Variants in PRKD1 observed in about 807,000 individuals in gnomAD.
PRKD1 encodes the protein protein kinase D1.
PRKD1 carries 63 observed loss-of-function variants against 95.9 expected under a neutral mutation model. That is an observed-to-expected ratio of 0.66 (90% CI 0.54 to 0.81). PRKD1 has a LOEUF of 0.81. PRKD1 is among the 30% of genes least tolerant of loss of function. PRKD1 has a pLI of 0.00. For synonymous variants in PRKD1, 425 were observed against 423.1 expected (o/e 1.00, Z -0.05); for missense variants, 1,048 against 1,165.3 (o/e 0.90, Z 1.47).
At chr14:29,879,138 A>T (rs1893409569) in intron 1 of PRKD1, among the ~76,000 whole-genome samples, 2 of 152,130 alleles carry the variant, frequency 1.3e-5, no homozygotes, top group Non-Finnish European at 2.9e-5. Flanking sequence ...CAAGGACATC[A>T]CCCAGCACCT....
At chr14:29,594,918 T>C (rs1001100662) in intron 16 of PRKD1, among the ~76,000 whole-genome samples, 1 of 152,162 alleles carries the variant, frequency 6.6e-6, no homozygotes, top group Non-Finnish European at 1.5e-5. Context: ...CCTTAACTGA[T>C]ATCATGATGT....
intron 1 of PRKD1, among the ~76,000 whole-genome samples, chr14:29,867,018 A>G (rs1892932354): frequency 6.6e-6 from 1 of 152,152 alleles, no homozygotes; most frequent in East Asian, 1.9e-4. Flanking sequence ...AATTGTTCTA[A>G]GAACTGCTGG....
intron 16 of PRKD1, among the ~76,000 whole-genome samples, chr14:29,581,434 ATTATT>A (rs1483863611): frequency 2.0e-5 from 3 of 152,150 alleles, no homozygotes; most frequent in Non-Finnish European, 4.4e-5. Context: ...GAAAGTAGTT[ATTATT>A]TTAATCTCCA....
At chr14:29,629,487 T>C (rs1301068538) in intron 10 of PRKD1, among the ~76,000 whole-genome samples, 1 of 152,124 alleles carries the variant, frequency 6.6e-6, no homozygotes, top group Non-Finnish European at 1.5e-5. Context: ...AGAGGTCTCA[T>C]ATAAAGTGCT....
intron 1 of PRKD1, among the ~76,000 whole-genome samples, chr14:29,895,020 T>C (rs558705138): frequency 1.3e-5 from 2 of 152,078 alleles, no homozygotes; most frequent in Non-Finnish European, 2.9e-5. Flanking sequence ...GGATACTCTC[T>C]AGCTCAACAC....
intron 16 of PRKD1, among the ~76,000 whole-genome samples, chr14:29,593,612 G>A (rs1292739204): frequency 6.6e-6 from 1 of 152,164 alleles, no homozygotes; most frequent in Non-Finnish European, 1.5e-5. Flanking sequence ...CATAAGCTTG[G>A]AGCTGCTAGG....
chr14:29,668,191 A>G (rs1882630251), intron 2 of PRKD1, among the ~76,000 whole-genome samples: 1 of 152,212 alleles, frequency 6.6e-6, no homozygotes, highest in African/African-American at 2.4e-5. Flanking sequence ...AGTTGAGTGT[A>G]TGCATGCCAC....
At chr14:29,679,658 G>A (rs1391646879) in intron 2 of PRKD1, among the ~76,000 whole-genome samples, 1 of 151,394 alleles carries the variant, frequency 6.6e-6, no homozygotes, top group African/African-American at 2.4e-5. Flanking sequence ...ATCAGGAAGA[G>A]ATGCAGGCAA....
intron 1 of PRKD1, among the ~76,000 whole-genome samples, chr14:29,829,898 T>A (rs1891336947): frequency 6.6e-6 from 1 of 152,212 alleles, no homozygotes; most frequent in East Asian, 1.9e-4. Flanking sequence ...TTCACTTATT[T>A]CCTCTACGCT....
chr14:29,905,266 G>C (rs1006205163), intron 1 of PRKD1, among the ~76,000 whole-genome samples: 4 of 152,156 alleles, frequency 2.6e-5, no homozygotes, highest in Non-Finnish European at 5.9e-5. Context: ...ACATCATCAA[G>C]AGGGCCGGAA....
At position 29,774,851 on chromosome 14, in the gene PRKD1, T is replaced by A. The variant is rs567609162; in HGVS notation, c.265-49177A>T. Among the ~76,000 whole-genome samples the A allele has an allele frequency of 3.3e-5, 5 of 152,308 alleles. No homozygotes were observed. In the Middle Eastern group the frequency reaches 0.017, roughly 518 times the overall value. Reference sequence around the variant, plus strand: ...TAGGAGATACTAAGAAAGTGTGATTTGCATTCTTCCACAGGAAAGCAACAT... The same window carrying A: ...TAGGAGATACTAAGAAAGTGTGATTAGCATTCTTCCACAGGAAAGCAACAT... On this transcript the variant is annotated intron_variant, in intron 1 of 17. Coordinates refer to ENST00000331968, the MANE Select transcript of PRKD1 (RefSeq NM_002742.3).
Position 29,777,551 on chromosome 14 carries a change from C to A in PRKD1, c.265-51877G>T, listed in dbSNP as rs567322947. On this transcript the variant is annotated intron_variant, in intron 1 of 17. Transcript: ENST00000331968. ...AAAGATCAAAAGAGACAAAGAAGGT[C>A]ATTACATAATGGTAAAGGGATCAAT... Among the ~76,000 whole-genome samples, 3 of 152,270 alleles carry A rather than the reference C, an allele frequency of 2.0e-5. No individual in the cohort carries two copies. In the East Asian group the frequency reaches 5.8e-4, roughly 29 times the overall value.
chr14:29,860,007 C>T (rs61979981), intron 1 of PRKD1, among the ~76,000 whole-genome samples: 16,406 of 152,224 alleles, frequency 0.11, 1,067 homozygotes, highest in Middle Eastern at 0.17. Flanking sequence ...TTTTAGAACA[C>T]TTTCTTATAT....
At chr14:29,908,032 T>G (rs868491696) in intron 1 of PRKD1, among the ~76,000 whole-genome samples, 1 of 152,128 alleles carries the variant, frequency 6.6e-6, no homozygotes, top group African/African-American at 2.4e-5. Context: ...TAGATATATT[T>G]CATATGTAGT....
chr14:29,780,439 C>A (rs1006214182), intron 1 of PRKD1, among the ~76,000 whole-genome samples: 42 of 152,182 alleles, frequency 2.8e-4, no homozygotes, highest in Non-Finnish European at 2.9e-5. Context: ...AACAAATTTA[C>A]AAGAAAACAT....
intron 1 of PRKD1, among the ~76,000 whole-genome samples, chr14:29,815,273 A>G (rs182894714): frequency 6.6e-6 from 1 of 152,382 alleles, no homozygotes; most frequent in East Asian, 1.9e-4. Context: ...TAAGATAATT[A>G]GTTATTTCTT....
At chr14:29,860,643 T>G (rs887032785) in intron 1 of PRKD1, among the ~76,000 whole-genome samples, 1 of 152,208 alleles carries the variant, frequency 6.6e-6, no homozygotes, top group South Asian at 2.1e-4. Flanking sequence ...CTGATATAAT[T>G]TTAAGATTCC....
At chr14:29,688,905 C>T (rs1192805736) in intron 2 of PRKD1, among the ~76,000 whole-genome samples, 2 of 137,400 alleles carry the variant, frequency 1.5e-5, no homozygotes, top group Non-Finnish European at 3.0e-5. Flanking sequence ...GCAGAGACCA[C>T]GCCACTGCAC....
intron 1 of PRKD1, among the ~76,000 whole-genome samples, chr14:29,794,394 GT>G (rs1416652933): frequency 6.6e-6 from 1 of 151,448 alleles, no homozygotes; most frequent in African/African-American, 2.4e-5. Context: ...AATTATCAAG[GT>G]TTTTTTTGAG....
Sources: allele counts gnomAD v4.1 joint callset (sites outside exome capture counted in the v4.1 genomes callset), GRCh38; gene constraint gnomAD v4.1.1; transcripts MANE v1.5; gene names NCBI Gene and HGNC (gene_info 2026-07-23, HGNC 2026-07-21).